Variants in FRS2 observed in about 807,000 individuals in gnomAD.
The protein encoded by FRS2 is fibroblast growth factor receptor substrate 2, also known as FGFR signalling adaptor.
A neutral mutation model predicts 43.9 loss-of-function variants in FRS2; 8 were observed. The observed-to-expected ratio is 0.18, with a 90% confidence interval of 0.11 to 0.33. The LOEUF is 0.33. Ranked by LOEUF, FRS2 falls within the 10% of genes least tolerant of loss-of-function variation. The pLI is 1.00. For synonymous variants in FRS2, 219 were observed against 220.3 expected (o/e 0.99, Z 0.05); for missense variants, 534 against 627.6 (o/e 0.85, Z 1.59).
chr12:69,527,325 G>GT (rs200031040), intron 1 of FRS2, among the ~76,000 whole-genome samples: 2,101 of 76,680 alleles, frequency 0.027, 69 homozygotes, highest in African/African-American at 0.085. Context: ...ATGGAGCAAA[G>GT]TTTTTTTTTT....
chr12:69,487,758 A>T (rs1348543886), intron 1 of FRS2, among the ~76,000 whole-genome samples: 1 of 152,224 alleles, frequency 6.6e-6, no homozygotes, highest in African/African-American at 2.4e-5. Context: ...AACCTTCTGG[A>T]AAGGATTCAC....
At chr12:69,544,768 A>G (rs1382102658) in intron 3 of FRS2, among the ~76,000 whole-genome samples, 1 of 152,174 alleles carries the variant, frequency 6.6e-6, no homozygotes, top group Non-Finnish European at 1.5e-5. Context: ...TAAAAGCCAT[A>G]TATGAAAAAT....
At chr12:69,559,784 G>T (rs1209073161) in intron 3 of FRS2, among the ~76,000 whole-genome samples, 1 of 148,842 alleles carries the variant, frequency 6.7e-6, no homozygotes, top group Non-Finnish European at 1.5e-5. Context: ...CTACCCAATG[G>T]TTTAAAAAAA....
rs17851899 is a variant in FRS2 at position 69,574,954 on chromosome 12, G to A, written c.1526G>A (p.Ter509=). The change falls in exon 9 of 9, where the codon TGA becomes TAA. Residue 509 remains the stop codon, a stop_retained_variant. Coordinates refer to ENST00000549921, the MANE Select transcript of FRS2 (RefSeq NM_001278356.2). ...TRHNSTDLPM[*] Reference sequence around the variant, plus strand: ...CACAATAGTACTGATCTGCCCATGTGAGCCTGGAAAGCATTGTGTTGTTTG... The same window carrying A: ...CACAATAGTACTGATCTGCCCATGTAAGCCTGGAAAGCATTGTGTTGTTTG... 1.9e-6 allele frequency: 3 copies of A among 1,585,442 alleles called. No homozygotes were observed. The highest frequency in any genetic ancestry group is 2.6e-6 in the Non-Finnish European group (3 of 1,154,950).
rs551122906 is a variant in FRS2, at chr12:69,522,771, C to G, written c.-260-8094C>G. Among the ~76,000 whole-genome samples the G allele has an allele frequency of 8.5e-5, 13 of 152,294 alleles. No individual in the cohort carries two copies. In the South Asian group the frequency reaches 1.2e-3, roughly 15 times the overall value. ...CCTCTTCACGCTGCCTTAGCTGTGTCTGAGATTCTGGTTGTATCTTTGTAC... is the reference window on the plus strand; with the variant it reads ...CCTCTTCACGCTGCCTTAGCTGTGTGTGAGATTCTGGTTGTATCTTTGTAC... On this transcript the variant is annotated intron_variant, in intron 1 of 8. Transcript: ENST00000549921.
intron 1 of FRS2, among the ~76,000 whole-genome samples, chr12:69,509,836 G>A (rs993952790): frequency 2.6e-5 from 4 of 151,978 alleles, no homozygotes; most frequent in African/African-American, 9.7e-5. Context: ...TTTTTAAAGC[G>A]AGGTCTCAGG....
chr12:69,484,467 A>T (rs1313969410), intron 1 of FRS2, among the ~76,000 whole-genome samples: 3 of 152,188 alleles, frequency 2.0e-5, no homozygotes, highest in Non-Finnish European at 2.9e-5. Context: ...TTTAGCTTAC[A>T]GGTTTACCTA....
intron 8 of FRS2, among the ~76,000 whole-genome samples, chr12:69,573,022 C>T (rs502190): frequency 2.0e-5 from 3 of 152,058 alleles, no homozygotes; most frequent in African/African-American, 4.8e-5. Flanking sequence ...TAGTAGAGAC[C>T]GGGTTTCACC....
chr12:69,534,734 C>T (rs910341877), intron 3 of FRS2, among the ~76,000 whole-genome samples: 3 of 152,126 alleles, frequency 2.0e-5, no homozygotes, highest in Admixed American at 1.3e-4. Flanking sequence ...CAAGTCTGAG[C>T]GCTGGAGCTT....
Position 69,502,000 on chromosome 12 carries a change from C to G in FRS2, c.-260-28865C>G, listed in dbSNP as rs532546697. On this transcript the variant is annotated intron_variant, in intron 1 of 8. Coordinates refer to ENST00000549921, the MANE Select transcript of FRS2 (RefSeq NM_001278356.2). ...TTTTTTTGTGAGATGGAGCCTCCCTCTGTCACCCAGGCTGGAGTGCAGTGG... is the reference window on the plus strand; with the variant it reads ...TTTTTTTGTGAGATGGAGCCTCCCTGTGTCACCCAGGCTGGAGTGCAGTGG... Among the ~76,000 whole-genome samples the G allele has an allele frequency of 2.5e-4, 38 of 152,102 alleles. 1 individual carries two copies. In the South Asian group the frequency reaches 7.7e-3, roughly 31 times the overall value.
intron 1 of FRS2, among the ~76,000 whole-genome samples, chr12:69,498,574 T>G (rs1450101291): frequency 2.0e-5 from 3 of 148,462 alleles, no homozygotes; most frequent in Non-Finnish European, 4.5e-5. Flanking sequence ...TTTGTTTCGT[T>G]TTTTTTTAGC....
chr12:69,470,666 C>T, intron 1 of FRS2, 136 bp downstream of exon 1: 1 of 387,124 alleles, frequency 2.6e-6, no homozygotes, highest in East Asian at 3.6e-5. Context: ...TTGTCGACCG[C>T]CGCGGACTTC....
intron 1 of FRS2, among the ~76,000 whole-genome samples, chr12:69,510,214 T>C (rs546158400): frequency 5.3e-5 from 8 of 152,326 alleles, no homozygotes; most frequent in Non-Finnish European, 7.4e-5. Flanking sequence ...GAGAAACTTA[T>C]AGCCAGACAC....
intron 1 of FRS2, among the ~76,000 whole-genome samples, chr12:69,520,264 TTGAAAA>T (rs1325570790): frequency 6.6e-6 from 1 of 152,202 alleles, no homozygotes; most frequent in Non-Finnish European, 1.5e-5. Context: ...TGCTTTTCTC[TTGAAAA>T]TATGTTTAAG....
chr12:69,518,325 C>T (rs1215722730), intron 1 of FRS2, among the ~76,000 whole-genome samples: 6 of 152,146 alleles, frequency 3.9e-5, no homozygotes, highest in South Asian at 2.1e-4. Context: ...ATCCTGTACA[C>T]TCCTGAAAAA....
At chr12:69,505,003 T>A (rs574790692) in intron 1 of FRS2, among the ~76,000 whole-genome samples, 176 of 152,272 alleles carry the variant, frequency 1.2e-3, no homozygotes, top group Middle Eastern at 3.4e-3. Context: ...TGGGCTAATT[T>A]GTATTGTATT....
intron 1 of FRS2, among the ~76,000 whole-genome samples, chr12:69,470,862 T>C (rs1319431315): frequency 1.3e-5 from 2 of 152,134 alleles, no homozygotes; most frequent in Non-Finnish European, 2.9e-5. Flanking sequence ...CCTAGTTTGG[T>C]ATTCTGTGTC....
At chr12:69,538,417 CA>C (rs1432665953) in intron 3 of FRS2, among the ~76,000 whole-genome samples, 2 of 151,076 alleles carry the variant, frequency 1.3e-5, no homozygotes, top group South Asian at 2.1e-4. Context: ...CTCCCATTAA[CA>C]AAAAAAGGCC....
Position 69,573,959 on chromosome 12 carries a change from TG to T in FRS2, c.577-45del, listed in dbSNP as rs765752495. On this transcript the variant is annotated intron_variant, in intron 8 of 8. Coordinates refer to ENST00000549921, the MANE Select transcript of FRS2 (RefSeq NM_001278356.2). ...ATGTGGTCAGGCTTTTTTTCAGTTT[TG>T]TTTTTTTAAGTAAGTTAACTAATTC... The T allele has an allele frequency of 5.3e-6, 7 of 1,320,912 alleles. No homozygotes were observed. In the East Asian group the frequency reaches 6.9e-5, roughly 13 times the overall value. 81.8% of individuals were successfully genotyped at this position (1,320,912 alleles called of 1,614,324 possible).
Sources: gnomAD v4.1 joint callset for allele counts (sites outside exome capture counted in the v4.1 genomes callset) on GRCh38, gnomAD v4.1.1 for gene constraint, MANE v1.5 for transcripts, NCBI Gene and HGNC (gene_info 2026-07-23, HGNC 2026-07-21) for gene names.